ADGRF5: variants seen among roughly 807,000 people sequenced by gnomAD.
The protein encoded by ADGRF5 is G-protein coupled receptor 116.
Under a neutral mutation model 132.3 loss-of-function variants are expected in ADGRF5, and 75 were observed. The ratio of observed to expected loss-of-function variants is 0.57; its 90% confidence interval spans 0.47 to 0.69. The LOEUF (loss-of-function observed/expected upper bound fraction) is 0.69. ADGRF5 is among the 30% of genes least tolerant of loss of function. The probability of loss-of-function intolerance (pLI) is 0.00; values close to 1 mark genes in which losing one functional copy is unlikely to be tolerated. For synonymous variants in ADGRF5, 629 were observed against 597.6 expected (o/e 1.05, Z -0.77); for missense variants, 1,516 against 1,630.6 (o/e 0.93, Z 1.21).
chr6:46,936,922 T>C (rs1194971977), intron 1 of ADGRF5, among the ~76,000 whole-genome samples: 1 of 152,200 alleles, frequency 6.6e-6, no homozygotes, highest in Non-Finnish European at 1.5e-5. Context: ...CCACAGATCC[T>C]GGGGGATCCC....
At chr6:46,863,759 T>C (rs561333) in intron 14 of ADGRF5, among the ~76,000 whole-genome samples, 126,946 of 151,896 alleles carry the variant, frequency 0.84, 54,847 homozygotes, top group East Asian at 0.99. Flanking sequence ...CCACTGTATA[T>C]AAATCTTAAA....
rs536720638 is a variant in ADGRF5, at chr6:46,902,867, G to A, written c.103-2784C>T. On this transcript the variant is annotated intron_variant, in intron 2 of 20. Transcript: ENST00000283296. ...GGGTAAATGCTCTTGGCCATCCCCA[G>A]ATTCAAGGAGTTACAAAGATCTGGC... Among the ~76,000 whole-genome samples, 8 of 152,354 alleles carry A rather than the reference G, an allele frequency of 5.3e-5. No individual in the cohort carries two copies. In the South Asian group the frequency reaches 1.7e-3, roughly 32 times the overall value.
intron 3 of ADGRF5, 127 bp downstream of exon 3, chr6:46,899,902 A>G: frequency 1.5e-6 from 1 of 681,530 alleles, no homozygotes; most frequent in Non-Finnish European, 2.7e-6. Context: ...TTTGGAAATC[A>G]CACTGCACTA....
At chr6:46,948,783 G>A (rs1051114962) in intron 1 of ADGRF5, among the ~76,000 whole-genome samples, 1 of 152,244 alleles carries the variant, frequency 6.6e-6, no homozygotes, top group African/African-American at 2.4e-5. Flanking sequence ...TCCAGAGTTG[G>A]CGGGCAATCT....
intron 1 of ADGRF5, among the ~76,000 whole-genome samples, chr6:46,941,456 G>GAAAAGAAAAGAAAAGAAAAGAA: frequency 2.4e-5 from 1 of 42,132 alleles, no homozygotes; most frequent in African/African-American, 7.1e-5. Flanking sequence ...GAAAAGAAAA[G>GAAAAGAAAAGAAAAGAAAAGAA]AAAAGAAAAG....
At chr6:46,919,992 C>T (rs1342430939) in intron 1 of ADGRF5, among the ~76,000 whole-genome samples, 1 of 152,226 alleles carries the variant, frequency 6.6e-6, no homozygotes, top group South Asian at 2.1e-4. Context: ...TTACAGAAGA[C>T]TAAAAGAGAT....
intron 1 of ADGRF5, among the ~76,000 whole-genome samples, chr6:46,948,379 T>C (rs566981933): frequency 3.9e-5 from 6 of 152,284 alleles, no homozygotes; most frequent in African/African-American, 1.4e-4. Flanking sequence ...AGATCTGTTA[T>C]GCCCATTTCA....
At position 46,868,794 on chromosome 6, in the gene ADGRF5, C is replaced by T. The variant is rs1023216634; in HGVS notation, c.1621+89G>A. The T allele has an allele frequency of 1.7e-5, 14 of 804,130 alleles. No individual in the cohort carries two copies. The African/African-American group carries it at 2.4e-4, about 14-fold the overall frequency. 49.8% of individuals were successfully genotyped at this position (804,130 alleles called of 1,614,324 possible). ...TTTAAAGTGGTTGGCATAGGCATGT[C>T]TCAAAGAAGACCCTACACAGATGGT... is the stretch of plus-strand genomic sequence containing the variant. On this transcript the variant is annotated intron_variant, in intron 12 of 20. Transcript: ENST00000283296.
intron 16 of ADGRF5, among the ~76,000 whole-genome samples, chr6:46,860,170 C>T (rs77366525): frequency 0.01 from 1,551 of 152,276 alleles, 18 homozygotes; most frequent in Non-Finnish European, 0.016. Context: ...TGCACTGTTT[C>T]CTCTTTTTCC....
chr6:46,890,435 A>T (rs1486633014), intron 3 of ADGRF5, among the ~76,000 whole-genome samples: 2 of 150,776 alleles, frequency 1.3e-5, no homozygotes, highest in African/African-American at 2.4e-5. Flanking sequence ...GGAAAAAAGT[A>T]GGGCGGGCGC....
rs376295199 is a variant in ADGRF5 at position 46,859,332 on chromosome 6, T to A, written c.2571A>T (p.Val857=). The change falls in exon 17 of 21, where the codon GTA becomes GTT. Residue 857 remains valine, a synonymous_variant. Coordinates refer to ENST00000283296, the MANE Select transcript of ADGRF5 (RefSeq NM_001098518.2). The part of the protein sequence containing the change: ...SQTNVQMSSM[V]IKSSHPETYQ... Reference sequence around the variant, plus strand: ...AGGTTTCTGGGTGGCTGGACTTGATTACCATGCTGCTCATCTGCACATTAG... The same window carrying A: ...AGGTTTCTGGGTGGCTGGACTTGATAACCATGCTGCTCATCTGCACATTAG... 6.2e-7 allele frequency: 1 copy of A among 1,613,884 alleles called. No individual in the cohort carries two copies. The highest frequency in any genetic ancestry group is 2.2e-5 in the East Asian group (1 of 44,880).
intron 10 of ADGRF5, among the ~76,000 whole-genome samples, chr6:46,876,385 G>T (rs1771660914): frequency 6.6e-6 from 1 of 152,208 alleles, no homozygotes. Context: ...CACAGGAATT[G>T]TGCAAGGCCT....
intron 10 of ADGRF5, 23 bp from the exon 11 acceptor site, chr6:46,872,036 GC>G: frequency 6.4e-7 from 1 of 1,555,020 alleles, no homozygotes. Flanking sequence ...GCAAATTGTT[GC>G]CATCCCAGCT....
At chr6:46,945,000 T>TA (rs1778248684) in intron 1 of ADGRF5, among the ~76,000 whole-genome samples, 1 of 152,054 alleles carries the variant, frequency 6.6e-6, no homozygotes, top group East Asian at 1.9e-4. Flanking sequence ...GAAAGAAGAG[T>TA]AGACAAGTTC....
chr6:46,950,665 C>T (rs1309089943), intron 1 of ADGRF5, among the ~76,000 whole-genome samples: 1 of 152,156 alleles, frequency 6.6e-6, no homozygotes. Context: ...CAGGCAAGCA[C>T]CACCACATCC....
At chr6:46,904,129 C>A (rs903890002) in intron 2 of ADGRF5, among the ~76,000 whole-genome samples, 1 of 152,194 alleles carries the variant, frequency 6.6e-6, no homozygotes, top group East Asian at 1.9e-4. Flanking sequence ...ACCCAAGCAT[C>A]CTGAGCTAAA....
chr6:46,897,285 A>G (rs1229383426), intron 3 of ADGRF5, among the ~76,000 whole-genome samples: 2 of 152,002 alleles, frequency 1.3e-5, no homozygotes, highest in Non-Finnish European at 2.9e-5. Flanking sequence ...TTTAAAGATG[A>G]TTCTATTCCA....
At chr6:46,884,055 G>C (rs773710046) in intron 5 of ADGRF5, 40 bp downstream of exon 5, 5 of 1,537,692 alleles carry the variant, frequency 3.3e-6, no homozygotes, top group Non-Finnish European at 4.5e-6. Flanking sequence ...AACTGATGTT[G>C]AATAGCCACT....
chr6:46,856,647 T>C (rs1581713105), intron 19 of ADGRF5, 71 bp downstream of exon 19: 4 of 983,354 alleles, frequency 4.1e-6, no homozygotes, highest in Middle Eastern at 3.2e-4. Context: ...AATTTAGTAC[T>C]CTGTACTTCA....
Sources: allele counts gnomAD v4.1 joint callset (sites outside exome capture counted in the v4.1 genomes callset), GRCh38; gene constraint gnomAD v4.1.1; transcripts MANE v1.5; gene names NCBI Gene and HGNC (gene_info 2026-07-23, HGNC 2026-07-21).